The following PTPRD variants were observed in gnomAD, a reference collection of about 807,000 sequenced individuals.
PTPRD encodes protein tyrosine phosphatase receptor type D, also known as receptor-type tyrosine-protein phosphatase delta.
PTPRD carries 34 observed loss-of-function variants against 214.5 expected under a neutral mutation model. The ratio of observed to expected loss-of-function variants is 0.16; its 90% confidence interval spans 0.12 to 0.21. PTPRD has a LOEUF of 0.21. Ranked by LOEUF, PTPRD falls within the 10% of genes least tolerant of loss-of-function variation. The probability of loss-of-function intolerance (pLI) is 1.00; values close to 1 mark genes in which losing one functional copy is unlikely to be tolerated. For missense variants in PTPRD, 2,545 were observed against 2,398.7 expected, an observed-to-expected ratio of 1.06 and a Z score of -1.27; for synonymous variants, 1,128 against 845.7, an observed-to-expected ratio of 1.33 and a Z score of -5.79.
At chr9:9,980,973 G>A in intron 4 of PTPRD, among the ~76,000 whole-genome samples, 1 of 152,104 alleles carries the variant, frequency 6.6e-6, no homozygotes, top group Non-Finnish European at 1.5e-5. Flanking sequence ...TAGTCATTCT[G>A]CAGAAAAGTC....
chr9:9,412,677 A>G (rs2075836414), intron 8 of PTPRD, among the ~76,000 whole-genome samples: 1 of 152,000 alleles, frequency 6.6e-6, no homozygotes, highest in South Asian at 2.1e-4. Flanking sequence ...TCGCTCTATT[A>G]AATATATTTT....
chr9:9,245,550 A>G (rs899363635), intron 9 of PTPRD, among the ~76,000 whole-genome samples: 4 of 151,492 alleles, frequency 2.6e-5, no homozygotes, highest in East Asian at 2.0e-4. Context: ...GTTCTCACTC[A>G]TAGGTGGGAA....
chr9:8,502,539 A>T (rs1212857952), intron 23 of PTPRD, among the ~76,000 whole-genome samples: 1 of 152,138 alleles, frequency 6.6e-6, no homozygotes, highest in Non-Finnish European at 1.5e-5. Flanking sequence ...TAAATTTGGA[A>T]TAAGATTTGC....
intron 3 of PTPRD, among the ~76,000 whole-genome samples, chr9:10,036,076 GGC>G (rs2097175397): frequency 2.0e-5 from 3 of 152,058 alleles, no homozygotes; most frequent in Non-Finnish European, 2.9e-5. Context: ...ATTGGTATCT[GGC>G]AGTATACCCA....
At chr9:8,395,410 AC>A (rs1369765312) in intron 36 of PTPRD, among the ~76,000 whole-genome samples, 1 of 151,728 alleles carries the variant, frequency 6.6e-6, no homozygotes, top group East Asian at 1.9e-4. Flanking sequence ...ATAAACATTT[AC>A]AAGCAAATTG....
At chr9:8,838,589 TA>T (rs1268565353) in intron 11 of PTPRD, among the ~76,000 whole-genome samples, 2 of 152,134 alleles carry the variant, frequency 1.3e-5, no homozygotes, top group African/African-American at 4.8e-5. Context: ...ACTTATTGAT[TA>T]AATAACAGGT....
At position 9,042,393 on chromosome 9, in the gene PTPRD, C is replaced by T. The variant is rs1414398778; in HGVS notation, c.-142-23658G>A. Among the ~76,000 whole-genome samples the T allele has an allele frequency of 2.0e-5, 3 of 152,184 alleles. No homozygotes were observed. The East Asian group carries it at 5.8e-4, about 29-fold the overall frequency. On this transcript the variant is annotated intron_variant, in intron 10 of 45. Coordinates refer to ENST00000381196, the MANE Select transcript of PTPRD (RefSeq NM_002839.4). ...GGACAATTCCAACTGGGATCACGTGCCAGGAGGCAGGAGAACAGTTAGACT... is the reference window on the plus strand; with the variant it reads ...GGACAATTCCAACTGGGATCACGTGTCAGGAGGCAGGAGAACAGTTAGACT...
At chr9:9,005,212 T>A (rs562490637) in intron 11 of PTPRD, among the ~76,000 whole-genome samples, 2 of 152,180 alleles carry the variant, frequency 1.3e-5, no homozygotes, top group Admixed American at 6.6e-5. Flanking sequence ...CAACTTTCTA[T>A]CTGATCAGTT....
intron 11 of PTPRD, among the ~76,000 whole-genome samples, chr9:8,843,636 T>G (rs1426105362): frequency 6.6e-6 from 1 of 152,196 alleles, no homozygotes; most frequent in Non-Finnish European, 1.5e-5. Context: ...ATGGGTTTCT[T>G]AAGTTGGAAT....
At chr9:8,614,200 T>C (rs1317033153) in intron 14 of PTPRD, among the ~76,000 whole-genome samples, 1 of 152,178 alleles carries the variant, frequency 6.6e-6, no homozygotes, top group Non-Finnish European at 1.5e-5. Flanking sequence ...TTCATATTTG[T>C]GAATTCACCT....
chr9:9,967,690 C>A (rs2094803112), intron 4 of PTPRD, among the ~76,000 whole-genome samples: 1 of 151,708 alleles, frequency 6.6e-6, no homozygotes, highest in Non-Finnish European at 1.5e-5. Flanking sequence ...GTTTAAGCAT[C>A]CCATGGGGTT....
chr9:9,621,695 C>T (rs917328749), intron 7 of PTPRD, among the ~76,000 whole-genome samples: 4 of 152,110 alleles, frequency 2.6e-5, no homozygotes, highest in Non-Finnish European at 4.4e-5. Flanking sequence ...GTTTTAGGGG[C>T]ATTCTATTCT....
intron 39 of PTPRD, among the ~76,000 whole-genome samples, chr9:8,349,627 T>G (rs1306115289): frequency 6.6e-6 from 1 of 152,126 alleles, no homozygotes; most frequent in Non-Finnish European, 1.5e-5. Flanking sequence ...TCTGTCAGAG[T>G]AGTTGCCAAG....
At chr9:10,313,397 T>TAC (rs60788124) in intron 3 of PTPRD, among the ~76,000 whole-genome samples, 2,084 of 148,444 alleles carry the variant, frequency 0.014, 20 homozygotes, top group Non-Finnish European at 0.023. Flanking sequence ...AGGTACAGAT[T>TAC]ACACACACAC....
intron 10 of PTPRD, among the ~76,000 whole-genome samples, chr9:9,145,148 A>G (rs896642240): frequency 6.6e-6 from 1 of 152,224 alleles, no homozygotes; most frequent in Non-Finnish European, 1.5e-5. Context: ...GAATCTAAGT[A>G]TGTGTTGCTA....
chr9:9,945,479 G>A (rs983537691), intron 4 of PTPRD, among the ~76,000 whole-genome samples: 6 of 152,132 alleles, frequency 3.9e-5, no homozygotes, highest in Non-Finnish European at 7.4e-5. Context: ...AATGAAATAT[G>A]CAGGAAGTCA....
chr9:10,322,533 TAAAG>T (rs2096571261), intron 3 of PTPRD, among the ~76,000 whole-genome samples: 1 of 152,066 alleles, frequency 6.6e-6, no homozygotes, highest in Non-Finnish European at 1.5e-5. Context: ...TGAACTTTAA[TAAAG>T]AAATGCCAAA....
At chr9:8,747,133 AC>A (rs1014152544) in intron 11 of PTPRD, among the ~76,000 whole-genome samples, 2 of 152,068 alleles carry the variant, frequency 1.3e-5, no homozygotes, top group African/African-American at 4.8e-5. Flanking sequence ...ATATAGACTG[AC>A]CCTTTCCTTT....
chr9:9,538,580 G>T (rs557512915), intron 8 of PTPRD, among the ~76,000 whole-genome samples: 1 of 151,870 alleles, frequency 6.6e-6, no homozygotes, highest in South Asian at 2.1e-4. Context: ...ACCCAACTCA[G>T]TAATGCTATG....
Sources: allele counts gnomAD v4.1 joint callset (sites outside exome capture counted in the v4.1 genomes callset), GRCh38; gene constraint gnomAD v4.1.1; transcripts MANE v1.5; gene names NCBI Gene and HGNC (gene_info 2026-07-23, HGNC 2026-07-21).